Variants in EPB41L4B observed in about 807,000 individuals in gnomAD.
The protein encoded by EPB41L4B is erythrocyte membrane protein band 4.1 like 4B, also known as band 4.1-like protein 4B.
A neutral mutation model predicts 112.5 loss-of-function variants in EPB41L4B; 30 were observed. That is an observed-to-expected ratio of 0.27 (90% CI 0.20 to 0.36). EPB41L4B has a LOEUF of 0.36. EPB41L4B is among the 10% of genes least tolerant of loss of function. EPB41L4B has a pLI of 1.00. For missense variants in EPB41L4B, 1,024 were observed against 1,133.3 expected, an observed-to-expected ratio of 0.90 and a Z score of 1.38; for synonymous variants, 408 against 439.7, an observed-to-expected ratio of 0.93 and a Z score of 0.90.
At chr9:109,311,018 G>A (rs960388968) in intron 1 of EPB41L4B, among the ~76,000 whole-genome samples, 1 of 152,114 alleles carries the variant, frequency 6.6e-6, no homozygotes, top group African/African-American at 2.4e-5. Flanking sequence ...TAGAATGGTG[G>A]TTGCCCGGGG....
intron 19 of EPB41L4B, among the ~76,000 whole-genome samples, chr9:109,201,006 A>G (rs1832805195): frequency 6.6e-6 from 1 of 152,168 alleles, no homozygotes; most frequent in Non-Finnish European, 1.5e-5. Flanking sequence ...GGTCATGACT[A>G]ATTTCATTTT....
intron 1 of EPB41L4B, among the ~76,000 whole-genome samples, chr9:109,299,073 G>A (rs140317652): frequency 0.011 from 1,735 of 152,276 alleles, 37 homozygotes; most frequent in African/African-American, 0.039. Context: ...GTAAAGACAG[G>A]GGACATTCTA....
Position 109,267,488 on chromosome 9 carries a change from C to T in EPB41L4B, c.518G>A (p.Arg173His), listed in dbSNP as rs551748452. 2.7e-5 allele frequency: 43 copies of T among 1,613,124 alleles called. 1 individual carries two copies. The East Asian group carries it at 5.1e-4, about 19-fold the overall frequency. The stretch of plus-strand genomic sequence containing the variant: ...CGTGGCCTACCTTGTAAACTCCTCA[C>T]GAAGGTTGTTTGGTTCTGAAGAATA... ...KYYSSEPNNL[R>H]EEFTRYLFVL... Residue 173 changes from arginine (R) to histidine (H), a missense_variant, in exon 4 of 26, where the codon CGT becomes CAT. Arg to His is a conservative substitution (Grantham distance 29). Transcript: ENST00000374566.
At position 109,185,596 on chromosome 9, in the gene EPB41L4B, C is replaced by T. The variant is rs532088774; in HGVS notation, c.2311G>A (p.Ala771Thr). ...GAGTGGGCACAGTGGGGGTTGCTGG[C>T]GGGCTCTGCCTGCTCACGAGGAGAG... ...FTEATPLAEPASNPHCAHSRC... is the reference protein window; with the variant it reads ...FTEATPLAEPTSNPHCAHSRC... Residue 771 changes from alanine to threonine, a missense_variant, in exon 23 of 26, where the codon GCC (alanine) becomes ACC (threonine). Transcript: ENST00000374566. 1.1e-5 allele frequency: 17 copies of T among 1,606,046 alleles called. No individual in the cohort carries two copies. The highest frequency in any genetic ancestry group is 3.4e-5 in the Admixed American group (2 of 59,270).
intron 2 of EPB41L4B, among the ~76,000 whole-genome samples, chr9:109,279,458 C>A (rs1835953127): frequency 6.6e-6 from 1 of 152,170 alleles, no homozygotes; most frequent in African/African-American, 2.4e-5. Context: ...CTCAAGCAAT[C>A]CACCTGCCTC....
chr9:109,267,630 C>A (rs1296755218), intron 3 of EPB41L4B, 79 bp from the exon 4 acceptor site: 2 of 926,156 alleles, frequency 2.2e-6, no homozygotes, highest in African/African-American at 1.6e-5. Flanking sequence ...AGGGAAAGCA[C>A]GTTAAATCTA....
intron 15 of EPB41L4B, among the ~76,000 whole-genome samples, chr9:109,242,652 T>C (rs1210163454): frequency 6.6e-6 from 1 of 152,210 alleles, no homozygotes; most frequent in Non-Finnish European, 1.5e-5. Flanking sequence ...AAACTTTTTT[T>C]TGGCCTTGCT....
chr9:109,315,905 GC>G (rs1232370925), intron 1 of EPB41L4B, among the ~76,000 whole-genome samples: 1 of 151,780 alleles, frequency 6.6e-6, no homozygotes, highest in East Asian at 1.9e-4. Context: ...GAAGAGCCAA[GC>G]AATGGTTAGC....
At chr9:109,223,671 GC>G (rs1359698938) in intron 15 of EPB41L4B, among the ~76,000 whole-genome samples, 1 of 152,080 alleles carries the variant, frequency 6.6e-6, no homozygotes. Context: ...TAGAAATGGA[GC>G]CCCTCAGATA....
rs767480253 is a variant in EPB41L4B, at chr9:109,176,684, C to T, written c.2500G>A (p.Asp834Asn). 4.3e-5 allele frequency: 69 copies of T among 1,612,712 alleles called. No individual in the cohort carries two copies. Among genetic ancestry groups the T allele is most frequent in the Non-Finnish European group, 5.8e-5 (69 of 1,179,710 alleles). ...CCAGGACAGCACTGTAATTTACTGT[C>T]TCTGAAGTCTGCCTGGAGAAGAAAC... is the stretch of plus-strand genomic sequence containing the variant. ...TGPQFTADFR[D>N]SKLQCCPGPT... Residue 834 changes from aspartate to asparagine, a missense_variant, in exon 25 of 26, where the codon GAC (aspartate) becomes AAC (asparagine). Asp to Asn is a conservative substitution (Grantham distance 23). Coordinates refer to ENST00000374566, the MANE Select transcript of EPB41L4B (RefSeq NM_019114.5).
intron 13 of EPB41L4B, 38 bp from the exon 14 acceptor site, chr9:109,247,827 A>G (rs1490097056): frequency 4.3e-6 from 6 of 1,405,454 alleles, no homozygotes; most frequent in Non-Finnish European, 5.7e-6. Context: ...AAAAAAAAAG[A>G]AAAATAGGTT....
At chr9:109,232,000 C>CTT in intron 15 of EPB41L4B, among the ~76,000 whole-genome samples, 1 of 144,238 alleles carries the variant, frequency 6.9e-6, no homozygotes, top group African/African-American at 2.6e-5. Flanking sequence ...TTCTGGGTTT[C>CTT]TTTTTTTTTT....
intron 1 of EPB41L4B, among the ~76,000 whole-genome samples, chr9:109,297,794 C>G (rs188902728): frequency 4.1e-4 from 63 of 152,348 alleles, no homozygotes; most frequent in Non-Finnish European, 7.9e-4. Flanking sequence ...TCCTTGGGTC[C>G]CACTCATGCC....
At chr9:109,313,626 G>T (rs1381925611) in intron 1 of EPB41L4B, among the ~76,000 whole-genome samples, 1 of 152,248 alleles carries the variant, frequency 6.6e-6, no homozygotes, top group Non-Finnish European at 1.5e-5. Context: ...TAATTGTGGT[G>T]AGGAGGGTCA....
At chr9:109,245,667 G>A (rs1425657385) in intron 14 of EPB41L4B, among the ~76,000 whole-genome samples, 1 of 152,176 alleles carries the variant, frequency 6.6e-6, no homozygotes, top group African/African-American at 2.4e-5. Flanking sequence ...GGCTGACCTT[G>A]CAGTGCTTGA....
At chr9:109,199,850 T>A (rs559937471) in intron 20 of EPB41L4B, among the ~76,000 whole-genome samples, 1 of 152,134 alleles carries the variant, frequency 6.6e-6, no homozygotes, top group Non-Finnish European at 1.5e-5. Context: ...ACCTGATCCC[T>A]GTCAGCAACC....
In EPB41L4B at chr9:109,266,968, CAAAAAAAAA is replaced by C. The variant is rs3061574; in HGVS notation, c.533+496_533+504del. On this transcript the variant is annotated intron_variant, in intron 4 of 25. Transcript: ENST00000374566. Reference sequence around the variant, plus strand: ...TAGGCAACACAGCAAGATTTTGTTTCAAAAAAAAAAAAAAAAAAAAAAAAAGAAATTCAG... The same window carrying C: ...TAGGCAACACAGCAAGATTTTGTTTCAAAAAAAAAAAAAAAAGAAATTCAG... 1.5e-3 allele frequency among the ~76,000 whole-genome samples: 142 copies of C among 91,758 alleles called. 1 individual carries two copies. The highest frequency in any genetic ancestry group is 7.2e-3 in the Middle Eastern group (1 of 138). The allele number at this position is 91,758 out of a possible 152,430, so 60.2% of individuals were successfully genotyped here.
At position 109,267,598 on chromosome 9, in the gene EPB41L4B, T is replaced by C. The variant is rs556683852; in HGVS notation, c.455-47A>G. ...GTTGAAGATGTTTTTCCCCCAGTTT[T>C]GAAGATCACAGGATGGACAAAAGGG... On this transcript the variant is annotated intron_variant, in intron 3 of 25. Coordinates refer to ENST00000374566, the MANE Select transcript of EPB41L4B (RefSeq NM_019114.5). The C allele has an allele frequency of 1.3e-5, 17 of 1,270,456 alleles. No homozygotes were observed. The African/African-American group carries it at 2.5e-4, about 19-fold the overall frequency. 78.7% of individuals were successfully genotyped at this position (1,270,456 alleles called of 1,614,324 possible).
chr9:109,201,172 C>G (rs539313730), intron 19 of EPB41L4B, among the ~76,000 whole-genome samples: 2 of 152,060 alleles, frequency 1.3e-5, no homozygotes, highest in South Asian at 4.1e-4. Flanking sequence ...ATGTTGAGGC[C>G]GGGTGCAGTG....
Sources: gnomAD v4.1 joint callset for allele counts (sites outside exome capture counted in the v4.1 genomes callset) on GRCh38, gnomAD v4.1.1 for gene constraint, MANE v1.5 for transcripts, NCBI Gene and HGNC (gene_info 2026-07-23, HGNC 2026-07-21) for gene names.